The following RTN3 variants were observed in gnomAD, a reference collection of about 807,000 sequenced individuals.
RTN3 encodes the protein reticulon 3, also known as reticulon-3.
Under a neutral mutation model 77.8 loss-of-function variants are expected in RTN3, and 49 were observed. The ratio of observed to expected loss-of-function variants is 0.63; its 90% CI spans 0.50 to 0.80. RTN3 has a LOEUF of 0.80. Among genes scored for constraint, RTN3 ranks in the 30% least tolerant of loss-of-function variants. The pLI is 0.00. For synonymous variants in RTN3, 464 were observed against 446.9 expected, an observed-to-expected ratio of 1.04 and a Z score of -0.48; for missense variants, 1,236 against 1,211.9, an observed-to-expected ratio of 1.02 and a Z score of -0.29.
At chr11:63,726,007 A>G (rs1052297150) in intron 3 of RTN3, among the ~76,000 whole-genome samples, 2 of 152,342 alleles carry the variant, frequency 1.3e-5, no homozygotes, top group African/African-American at 4.8e-5. Context: ...AATAATTCCT[A>G]TCTTGGTATC....
At chr11:63,717,988 C>A in intron 2 of RTN3, among the ~76,000 whole-genome samples, 1 of 146,640 alleles carries the variant, frequency 6.8e-6, no homozygotes, top group Non-Finnish European at 1.5e-5. Context: ...GCACTTCAGC[C>A]TGGGCAACAA....
intron 3 of RTN3, among the ~76,000 whole-genome samples, chr11:63,732,279 C>G (rs1565331361): frequency 6.6e-6 from 1 of 152,100 alleles, no homozygotes; most frequent in African/African-American, 2.4e-5. Flanking sequence ...CTGCCTCAGC[C>G]AAGTAGCTAG....
At chr11:63,742,193 A>G (rs1385210118) in intron 3 of RTN3, among the ~76,000 whole-genome samples, 1 of 149,706 alleles carries the variant, frequency 6.7e-6, no homozygotes, top group East Asian at 2.1e-4. Context: ...GTTAGCCAGG[A>G]TGATCTCGAT....
chr11:63,743,638 T>C (rs2013617236), intron 3 of RTN3, among the ~76,000 whole-genome samples: 2 of 152,318 alleles, frequency 1.3e-5, no homozygotes, highest in South Asian at 4.1e-4. Context: ...TGGGCACAAA[T>C]GTCAAGTGGC....
At chr11:63,682,908 T>A (rs1441047112) in intron 1 of RTN3, among the ~76,000 whole-genome samples, 2 of 152,040 alleles carry the variant, frequency 1.3e-5, no homozygotes, top group East Asian at 3.9e-4. Flanking sequence ...GGAAAAAAAA[T>A]GCCTTTTGTC....
Position 63,720,637 on chromosome 11 carries a change from A to G in RTN3, c.2135A>G (p.Glu712Gly). Residue 712 changes from glutamate (E) to glycine (G), a missense_variant, in exon 3 of 9, where the codon GAA becomes GGA. Glu to Gly is a moderately conservative substitution (Grantham distance 98). Transcript: ENST00000377819. Reference protein sequence around the residue: ...EIKDIGSKYSEQSKETNGSEP... With the variant: ...EIKDIGSKYSGQSKETNGSEP... ...AAAGACATTGGAAGCAAATACAGTG[A>G]ACAAAGCAAAGAAACAAATGGAAGT... 1 of 1,614,098 alleles carries G rather than the reference A, an allele frequency of 6.2e-7. No homozygotes were observed. The highest frequency in any genetic ancestry group is 1.1e-5 in the South Asian group (1 of 91,058).
At chr11:63,747,656 G>T (rs1378309312) in intron 3 of RTN3, among the ~76,000 whole-genome samples, 1 of 152,234 alleles carries the variant, frequency 6.6e-6, no homozygotes, top group East Asian at 1.9e-4. Flanking sequence ...TTTCAGAAGA[G>T]AGCTGTATAG....
intron 3 of RTN3, among the ~76,000 whole-genome samples, chr11:63,723,406 A>G (rs544803207): frequency 1.3e-5 from 2 of 150,544 alleles, no homozygotes; most frequent in South Asian, 4.2e-4. Flanking sequence ...GTCTAGTTTT[A>G]TTTATTTATC....
At chr11:63,718,462 T>G (rs1412510852) in intron 2 of RTN3, among the ~76,000 whole-genome samples, 1 of 152,214 alleles carries the variant, frequency 6.6e-6, no homozygotes, top group East Asian at 1.9e-4. Flanking sequence ...ATGAAAATTT[T>G]TTATCATTTG....
chr11:63,718,966 G>C lies in RTN3; in HGVS notation c.464G>C (p.Arg155Pro). Residue 155 changes from arginine to proline, a missense_variant, in exon 3 of 9, where the codon CGT (arginine) becomes CCT (proline). Physicochemically the swap from Arg to Pro is moderately radical, Grantham distance 103. Around this residue, in one of 3 missense-constraint regions of RTN3, gnomAD observed 1,056 missense variants for 990.4 expected, o/e 1.07. Coordinates refer to ENST00000377819, the MANE Select transcript of RTN3 (RefSeq NM_001265589.2). ...VSLAAGVHCD[R>P]PSIPASFPEH... Reference sequence around the variant, plus strand: ...CTTGCAGCAGGAGTTCATTGTGACCGTCCTTCTATTCCAGCCAGTTTCCCA... The same window carrying C: ...CTTGCAGCAGGAGTTCATTGTGACCCTCCTTCTATTCCAGCCAGTTTCCCA... The C allele has an allele frequency of 1.9e-6, 3 of 1,614,100 alleles. No homozygotes were observed. In the Admixed American group the frequency reaches 5.0e-5, roughly 27 times the overall value.
intron 3 of RTN3, among the ~76,000 whole-genome samples, chr11:63,722,581 C>T (rs1190032564): frequency 6.6e-6 from 1 of 152,118 alleles, no homozygotes; most frequent in East Asian, 1.9e-4. Flanking sequence ...AATTATTTCA[C>T]TAACAATTAT....
chr11:63,723,432 T>A (rs2011966987), intron 3 of RTN3, among the ~76,000 whole-genome samples: 1 of 151,166 alleles, frequency 6.6e-6, no homozygotes, highest in South Asian at 2.1e-4. Flanking sequence ...TTTTTTTTTT[T>A]TAATTTTTTG....
At chr11:63,694,779 A>G (rs776081029) in intron 1 of RTN3, among the ~76,000 whole-genome samples, 7 of 152,160 alleles carry the variant, frequency 4.6e-5, no homozygotes, top group Non-Finnish European at 7.3e-5. Context: ...TCATATCTAC[A>G]TAGTCCATTT....
At chr11:63,758,057 A>T in intron 8 of RTN3, 99 bp from the exon 9 acceptor site, 1 of 833,088 alleles carries the variant, frequency 1.2e-6, no homozygotes, top group Non-Finnish European at 1.9e-6. Context: ...TTGCTTATGC[A>T]AGTCCAGGAC....
Position 63,685,910 on chromosome 11 carries a change from A to G in RTN3, c.142+4132A>G, listed in dbSNP as rs544851517. On this transcript the variant is annotated intron_variant, in intron 1 of 8. Transcript: ENST00000377819. ...TCAAGAATGAGTGATGGCACTCTGT[A>G]CTTTAGTGCCTTAGGTTCTAATGCA... 2.0e-5 allele frequency among the ~76,000 whole-genome samples: 3 copies of G among 152,310 alleles called. No homozygotes were observed. The South Asian group carries it at 6.2e-4, about 32-fold the overall frequency.
At chr11:63,752,357 G>T in intron 4 of RTN3, 150 bp from the exon 5 acceptor site, 1 of 664,090 alleles carries the variant, frequency 1.5e-6, no homozygotes, top group South Asian at 1.9e-5. Flanking sequence ...AAATGACAGT[G>T]TGTCTCCACC....
chr11:63,715,080 G>C (rs754142880), intron 2 of RTN3, among the ~76,000 whole-genome samples: 7 of 152,016 alleles, frequency 4.6e-5, no homozygotes, highest in African/African-American at 1.7e-4. Flanking sequence ...ATTCAATTTG[G>C]TTGCTTTCTT....
At chr11:63,713,036 G>A (rs1374266444) in intron 2 of RTN3, among the ~76,000 whole-genome samples, 5 of 152,102 alleles carry the variant, frequency 3.3e-5, no homozygotes, top group South Asian at 2.1e-4. Context: ...CAGAGGTTGC[G>A]GTGAGCCAAG....
intron 3 of RTN3, among the ~76,000 whole-genome samples, chr11:63,736,562 C>T (rs1037141623): frequency 2.6e-5 from 4 of 152,090 alleles, no homozygotes; most frequent in Non-Finnish European, 5.9e-5. Flanking sequence ...GTGGCACACA[C>T]CTGTAGTCCC....
Sources: allele counts gnomAD v4.1 joint callset (sites outside exome capture counted in the v4.1 genomes callset), GRCh38; gene constraint gnomAD v4.1.1; regional missense constraint gnomAD v4.1.1; transcripts MANE v1.5; gene names NCBI Gene and HGNC (gene_info 2026-07-23, HGNC 2026-07-21).